Variants in ERC2 observed in about 807,000 individuals in gnomAD.
The protein encoded by ERC2 is ERC protein 2.
Under a neutral mutation model 114.8 loss-of-function variants are expected in ERC2, and 42 were observed. The ratio of observed to expected loss-of-function variants is 0.37; its 90% confidence interval spans 0.29 to 0.47. ERC2 has a LOEUF of 0.47. ERC2 is among the 20% of genes least tolerant of loss of function. The pLI is 0.99. For missense variants in ERC2, 939 were observed against 1,150.7 expected (o/e 0.82, Z 2.66); for synonymous variants, 454 against 425.5 (o/e 1.07, Z -0.82).
At chr3:55,803,041 C>G (rs942167009) in intron 14 of ERC2, among the ~76,000 whole-genome samples, 3 of 152,122 alleles carry the variant, frequency 2.0e-5, no homozygotes, top group Admixed American at 2.0e-4. Flanking sequence ...CTCCATTGTT[C>G]TGAAGCTGGG....
chr3:55,931,789 A>T (rs1224878888), intron 13 of ERC2, among the ~76,000 whole-genome samples: 1 of 152,084 alleles, frequency 6.6e-6, no homozygotes, highest in Non-Finnish European at 1.5e-5. Context: ...GTGTGGTTTG[A>T]GCAAGACCTC....
At chr3:56,218,755 A>G (rs2049684389) in intron 3 of ERC2, among the ~76,000 whole-genome samples, 1 of 152,184 alleles carries the variant, frequency 6.6e-6, no homozygotes, top group African/African-American at 2.4e-5. Context: ...TCCAACAATG[A>G]TAGACTGGAT....
intron 15 of ERC2, among the ~76,000 whole-genome samples, chr3:55,717,430 G>T (rs2064188487): frequency 1.3e-5 from 2 of 152,192 alleles, no homozygotes; most frequent in East Asian, 1.9e-4. Context: ...ATCAGAAAAG[G>T]CTTCTTTAAC....
chr3:56,430,032 A>G (rs1196051240), intron 2 of ERC2, among the ~76,000 whole-genome samples: 1 of 152,208 alleles, frequency 6.6e-6, no homozygotes, highest in African/African-American at 2.4e-5. Context: ...TTATAAAACT[A>G]TGAACTTCCT....
At chr3:55,869,488 T>C (rs2062471260) in intron 14 of ERC2, among the ~76,000 whole-genome samples, 1 of 152,216 alleles carries the variant, frequency 6.6e-6, no homozygotes, top group African/African-American at 2.4e-5. Context: ...ATTTTTTTGA[T>C]TATGGGTTCC....
intron 3 of ERC2, among the ~76,000 whole-genome samples, chr3:56,247,224 G>C (rs1049171601): frequency 6.6e-6 from 1 of 152,066 alleles, no homozygotes; most frequent in Non-Finnish European, 1.5e-5. Context: ...TCAACTAAGC[G>C]GGGGGTGGGG....
At chr3:55,661,908 C>T (rs1481240715) in intron 17 of ERC2, among the ~76,000 whole-genome samples, 2 of 152,114 alleles carry the variant, frequency 1.3e-5, no homozygotes, top group Admixed American at 6.5e-5. Context: ...ATCCATTTAT[C>T]AGGGAAATTC....
intron 17 of ERC2, among the ~76,000 whole-genome samples, chr3:55,520,642 C>T (rs543941482): frequency 6.6e-6 from 1 of 152,216 alleles, no homozygotes; most frequent in South Asian, 2.1e-4. Context: ...TAAAAAGATA[C>T]GGCCTTGTGA....
intron 2 of ERC2, among the ~76,000 whole-genome samples, chr3:56,313,384 A>G (rs1437157553): frequency 6.6e-6 from 1 of 152,128 alleles, no homozygotes. Context: ...GTTAAAAATG[A>G]TGGGAGGCGA....
chr3:56,011,207 T>G (rs1172656290), intron 8 of ERC2, among the ~76,000 whole-genome samples: 1 of 152,206 alleles, frequency 6.6e-6, no homozygotes, highest in Non-Finnish European at 1.5e-5. Flanking sequence ...GGTTTCTTGA[T>G]AGTCAGCAGA....
chr3:56,129,177 T>C (rs926997045), intron 6 of ERC2, among the ~76,000 whole-genome samples: 1 of 152,224 alleles, frequency 6.6e-6, no homozygotes, highest in Non-Finnish European at 1.5e-5. Flanking sequence ...CTGTATTTAA[T>C]TTAAGAAAGA....
intron 2 of ERC2, among the ~76,000 whole-genome samples, chr3:56,325,607 G>T (rs1364975308): frequency 2.0e-5 from 3 of 152,146 alleles, no homozygotes; most frequent in African/African-American, 7.2e-5. Flanking sequence ...AGTGGTTCAT[G>T]AAAATTATGA....
chr3:55,609,287 A>AG (rs1287803562), intron 17 of ERC2, among the ~76,000 whole-genome samples: 1 of 152,156 alleles, frequency 6.6e-6, no homozygotes, highest in Admixed American at 6.5e-5. Flanking sequence ...ACTGCAACTC[A>AG]GGGGGTGTGT....
At chr3:55,712,985 A>G (rs1260465469) in intron 15 of ERC2, among the ~76,000 whole-genome samples, 1 of 152,068 alleles carries the variant, frequency 6.6e-6, no homozygotes, top group Non-Finnish European at 1.5e-5. Context: ...ATGATTTAAA[A>G]ATAAGTAATA....
chr3:56,300,650 T>C (rs1258668525), intron 2 of ERC2, among the ~76,000 whole-genome samples: 1 of 152,172 alleles, frequency 6.6e-6, no homozygotes, highest in Non-Finnish European at 1.5e-5. Context: ...GGTCCTAAGG[T>C]GTCTTAATCC....
chr3:55,837,202 C>T (rs1341450774), intron 14 of ERC2, among the ~76,000 whole-genome samples: 1 of 152,170 alleles, frequency 6.6e-6, no homozygotes, highest in African/African-American at 2.4e-5. Flanking sequence ...TGTGGTGTTC[C>T]TCAGGGATCT....
At chr3:56,320,253 C>CT (rs1395903250) in intron 2 of ERC2, among the ~76,000 whole-genome samples, 2 of 152,148 alleles carry the variant, frequency 1.3e-5, no homozygotes, top group African/African-American at 2.4e-5. Context: ...AGAACAAGGA[C>CT]TAAGATGACA....
intron 14 of ERC2, among the ~76,000 whole-genome samples, chr3:55,841,201 A>G (rs1467565338): frequency 6.6e-6 from 1 of 152,310 alleles, no homozygotes; most frequent in East Asian, 1.9e-4. Context: ...CTGTGTTCCA[A>G]CCCAAATGTC....
At chr3:56,364,492 G>A (rs997278914) in intron 2 of ERC2, among the ~76,000 whole-genome samples, 1 of 152,166 alleles carries the variant, frequency 6.6e-6, no homozygotes, top group East Asian at 1.9e-4. Context: ...TGGGTGAACT[G>A]TATTAACTCT....
Sources: allele counts gnomAD v4.1 joint callset (sites outside exome capture counted in the v4.1 genomes callset), GRCh38; gene constraint gnomAD v4.1.1; transcripts MANE v1.5; gene names NCBI Gene and HGNC (gene_info 2026-07-23, HGNC 2026-07-21).